The following PIP4K2A variants were observed in gnomAD, a reference collection of about 807,000 sequenced individuals.
PIP4K2A encodes the protein phosphatidylinositol-5-phosphate 4-kinase type 2 alpha.
PIP4K2A carries 14 observed loss-of-function variants against 42.9 expected under a neutral mutation model. The ratio of observed to expected loss-of-function variants is 0.33; its 90% confidence interval spans 0.22 to 0.51. The LOEUF is 0.51. Among genes scored for constraint, PIP4K2A ranks in the 20% least tolerant of loss-of-function variants. PIP4K2A has a pLI of 0.97. For missense variants in PIP4K2A, 434 were observed against 519.8 expected (o/e 0.83, Z 1.61); for synonymous variants, 192 against 192.2 (o/e 1.00, Z 0.01).
chr10:22,626,796 A>G (rs1418092098), intron 1 of PIP4K2A, among the ~76,000 whole-genome samples: 3 of 152,248 alleles, frequency 2.0e-5, no homozygotes, highest in African/African-American at 7.2e-5. Context: ...ATGTATACTC[A>G]CAAAAAAATA....
chr10:22,540,627 G>C lies in PIP4K2A; in HGVS notation c.1037-553C>G, dbSNP rs148999661. Among the ~76,000 whole-genome samples the C allele has an allele frequency of 5.5e-3, 842 of 152,148 alleles. 13 individuals are homozygous for C. The highest frequency in any genetic ancestry group is 0.018 in the African/African-American group (766 of 41,498). On this transcript the variant is annotated intron_variant, in intron 8 of 9. Transcript: ENST00000376573. ...GGCTGGAGTGCAATGGTGCGATCTT[G>C]GCTCACAGCAACCTCCACCTCCCGA...
chr10:22,597,446 G>C (rs1425457189), intron 3 of PIP4K2A, among the ~76,000 whole-genome samples: 1 of 152,160 alleles, frequency 6.6e-6, no homozygotes, highest in Non-Finnish European at 1.5e-5. Context: ...TGTGGTCTGA[G>C]AATTGTCGGA....
intron 1 of PIP4K2A, among the ~76,000 whole-genome samples, chr10:22,654,504 G>T (rs1408265169): frequency 6.6e-6 from 1 of 152,198 alleles, no homozygotes; most frequent in Non-Finnish European, 1.5e-5. Context: ...CATGGGCTAA[G>T]ATTTCAGGAT....
At chr10:22,576,768 T>C (rs1274997264) in intron 4 of PIP4K2A, among the ~76,000 whole-genome samples, 1 of 152,176 alleles carries the variant, frequency 6.6e-6, no homozygotes, top group Non-Finnish European at 1.5e-5. Flanking sequence ...AACCCCCTCA[T>C]CACTCTCAAT....
At chr10:22,685,153 A>G (rs951892425) in intron 1 of PIP4K2A, among the ~76,000 whole-genome samples, 2 of 152,156 alleles carry the variant, frequency 1.3e-5, no homozygotes, top group African/African-American at 2.4e-5. Context: ...ATTTAAAGTT[A>G]TGAGATAAGA....
chr10:22,588,867 A>G (rs770302543), intron 4 of PIP4K2A, among the ~76,000 whole-genome samples: 8 of 152,248 alleles, frequency 5.3e-5, no homozygotes, highest in African/African-American at 1.2e-4. Flanking sequence ...TTTTCTGAAT[A>G]AAGAACTCAC....
intron 1 of PIP4K2A, among the ~76,000 whole-genome samples, chr10:22,625,210 T>A (rs554919296): frequency 1.1e-4 from 17 of 152,204 alleles, no homozygotes; most frequent in African/African-American, 3.9e-4. Flanking sequence ...AAACTGACAA[T>A]CAAAATATGC....
intron 3 of PIP4K2A, 42 bp downstream of exon 3, chr10:22,607,885 A>G (rs1837939348): frequency 7.8e-7 from 1 of 1,282,746 alleles, no homozygotes; most frequent in Admixed American, 1.7e-5. Flanking sequence ...TCATGGCAAA[A>G]CCCATTTCCT....
At chr10:22,656,735 T>C (rs991854349) in intron 1 of PIP4K2A, among the ~76,000 whole-genome samples, 1 of 149,434 alleles carries the variant, frequency 6.7e-6, no homozygotes, top group South Asian at 2.1e-4. Flanking sequence ...AGGCGGAGGT[T>C]GCAGTGAGCC....
chr10:22,651,782 G>C (rs1490418939), intron 1 of PIP4K2A, among the ~76,000 whole-genome samples: 1 of 152,194 alleles, frequency 6.6e-6, no homozygotes, highest in Non-Finnish European at 1.5e-5. Context: ...GTGGCTGCAG[G>C]GTGCCAAGGA....
At position 22,579,766 on chromosome 10, in the gene PIP4K2A, G is replaced by A. The variant is rs189458352; in HGVS notation, c.493-6309C>T. ...TCTACTAAACATATAAAAATCAGAC[G>A]GGCATGGTGGCAGGTGCCTGTAGTC... On this transcript the variant is annotated intron_variant, in intron 4 of 9. Coordinates refer to ENST00000376573, the MANE Select transcript of PIP4K2A (RefSeq NM_005028.5). Among the ~76,000 whole-genome samples the A allele has an allele frequency of 9.9e-5, 15 of 151,992 alleles. No individual in the cohort carries two copies. The East Asian group carries it at 1.5e-3, about 16-fold the overall frequency.
chr10:22,565,711 G>A (rs528041023), intron 6 of PIP4K2A, among the ~76,000 whole-genome samples: 18 of 152,326 alleles, frequency 1.2e-4, no homozygotes, highest in African/African-American at 3.4e-4. Flanking sequence ...CCAGTGAGCC[G>A]GGCGGAACAG....
chr10:22,635,477 T>C (rs977387743), intron 1 of PIP4K2A, among the ~76,000 whole-genome samples: 4 of 152,078 alleles, frequency 2.6e-5, no homozygotes, highest in Non-Finnish European at 5.9e-5. Flanking sequence ...TGTGATAGTA[T>C]TGAGAGGGAA....
intron 3 of PIP4K2A, among the ~76,000 whole-genome samples, chr10:22,606,981 C>T (rs1837920157): frequency 6.6e-6 from 1 of 152,078 alleles, no homozygotes; most frequent in South Asian, 2.1e-4. Flanking sequence ...TAATTTTATA[C>T]AATATTTTAA....
intron 1 of PIP4K2A, among the ~76,000 whole-genome samples, chr10:22,703,649 G>A (rs1833757512): frequency 6.6e-6 from 1 of 152,184 alleles, no homozygotes. Context: ...GCAATGTAAA[G>A]CCTTTGGAAG....
intron 1 of PIP4K2A, among the ~76,000 whole-genome samples, chr10:22,699,195 C>A (rs1833660877): frequency 6.6e-6 from 1 of 152,058 alleles, no homozygotes; most frequent in Non-Finnish European, 1.5e-5. Flanking sequence ...TATCTGTTTC[C>A]CAACAGTTCT....
chr10:22,613,316 G>C (rs1224156882), intron 1 of PIP4K2A, among the ~76,000 whole-genome samples: 1 of 152,134 alleles, frequency 6.6e-6, no homozygotes, highest in African/African-American at 2.4e-5. Flanking sequence ...GGACAGGAGC[G>C]AGATGAAGAG....
At chr10:22,640,059 A>G (rs1444987892) in intron 1 of PIP4K2A, among the ~76,000 whole-genome samples, 1 of 150,256 alleles carries the variant, frequency 6.7e-6, no homozygotes, top group Non-Finnish European at 1.5e-5. Context: ...AAAGAAAAAG[A>G]AAAATCAAGA....
At chr10:22,558,467 C>G (rs1179551087) in intron 6 of PIP4K2A, among the ~76,000 whole-genome samples, 2 of 152,134 alleles carry the variant, frequency 1.3e-5, no homozygotes, top group East Asian at 1.9e-4. Context: ...ATAATAAAAT[C>G]AGTTCTGCTT....
Sources: gnomAD v4.1 joint callset for allele counts (sites outside exome capture counted in the v4.1 genomes callset) on GRCh38, gnomAD v4.1.1 for gene constraint, MANE v1.5 for transcripts, NCBI Gene and HGNC (gene_info 2026-07-23, HGNC 2026-07-21) for gene names.